Variants in MTR observed in about 807,000 individuals in gnomAD.
MTR encodes the protein methionine synthase.
A neutral mutation model predicts 154.8 loss-of-function variants in MTR; 84 were observed. The observed-to-expected ratio is 0.54, with a 90% CI of 0.45 to 0.65. The LOEUF (loss-of-function observed/expected upper bound fraction) is 0.65. MTR is among the 30% of genes least tolerant of loss of function. The pLI, the probability that MTR is intolerant of heterozygous loss-of-function variation, is 0.00. For synonymous variants in MTR, 554 were observed against 553.9 expected (o/e 1.00, Z 0.00); for missense variants, 1,275 against 1,570.2 (o/e 0.81, Z 3.18).
At chr1:236,847,339 T>G (rs1212602769) in intron 15 of MTR, among the ~76,000 whole-genome samples, 1 of 152,228 alleles carries the variant, frequency 6.6e-6, no homozygotes, top group Non-Finnish European at 1.5e-5. Flanking sequence ...TCAGACTACA[T>G]TAAAGAATCT....
chr1:236,831,350 A>G (rs1031257740), intron 12 of MTR, among the ~76,000 whole-genome samples: 6 of 152,176 alleles, frequency 3.9e-5, no homozygotes, highest in Admixed American at 2.6e-4. Context: ...ATGTTGGTGG[A>G]TAAGGAAACA....
intron 27 of MTR, among the ~76,000 whole-genome samples, chr1:236,887,382 C>T (rs10158222): frequency 0.29 from 44,082 of 152,018 alleles, 7,519 homozygotes; most frequent in African/African-American, 0.47. Flanking sequence ...CTTGCTTCCA[C>T]GTTTGACAGT....
rs1160232951 is a variant in MTR, at chr1:236,903,275, T to C, written c.*5631T>C. On this transcript the variant is annotated 3_prime_UTR_variant, in exon 33 of 33. Transcript: ENST00000366577. The stretch of plus-strand genomic sequence containing the variant: ...CTGCACTGTTTCAAATTTTTACAAG[T>C]GTATGTTATTGTACTTTTAAAAAGA... 6.6e-6 allele frequency: 1 copy of C among 152,204 alleles called. No individual in the cohort carries two copies. The highest frequency in any genetic ancestry group is 1.5e-5 in the Non-Finnish European group (1 of 68,040). 9.4% of individuals were successfully genotyped at this position (152,204 alleles called of 1,614,324 possible).
intron 27 of MTR, among the ~76,000 whole-genome samples, chr1:236,887,537 T>C (rs1188290640): frequency 1.3e-5 from 2 of 152,236 alleles, no homozygotes; most frequent in Admixed American, 1.3e-4. Context: ...ATTGGAATAA[T>C]AACACAAGGG....
At chr1:236,802,198 T>C (rs1375985539) in intron 1 of MTR, among the ~76,000 whole-genome samples, 1 of 152,148 alleles carries the variant, frequency 6.6e-6, no homozygotes, top group Non-Finnish European at 1.5e-5. Flanking sequence ...GTTAGTCTTC[T>C]GGGAAGGGTG....
chr1:236,815,936 G>T lies in MTR; in HGVS notation c.669+273G>T, dbSNP rs1414157051. ...GGTCCTTGAAGCCAAAGGCTTCAAG[G>T]CTCAGTCTCATTAGGGCCCAAGGAG... On this transcript the variant is annotated intron_variant, in intron 7 of 32. Transcript: ENST00000366577. 4.6e-5 allele frequency among the ~76,000 whole-genome samples: 7 copies of T among 152,160 alleles called. No homozygotes were observed. The East Asian group carries it at 1.2e-3, about 25-fold the overall frequency.
At chr1:236,811,615 T>TA (rs1275675269) in intron 5 of MTR, 1 of 456,226 alleles carries the variant, frequency 2.2e-6, no homozygotes, top group Non-Finnish European at 4.4e-6. Context: ...ATACCAGGCT[T>TA]ATGTGTTGTT....
Position 236,826,897 on chromosome 1 carries a change from G to A in MTR, c.995+1G>A. 1 of 1,612,822 alleles carries A rather than the reference G, an allele frequency of 6.2e-7. No individual in the cohort carries two copies. The highest frequency in any genetic ancestry group is 1.1e-5 in the South Asian group (1 of 91,050). The stretch of plus-strand genomic sequence containing the variant: ...GTGGGTCAACACCAGATCATATCAG[G>A]TAATAATCACCTATAGACAATATAT... On this transcript the variant is annotated splice_donor_variant, in intron 11 of 32. Transcript: ENST00000366577. LOFTEE classifies it high-confidence loss of function.
At chr1:236,856,654 A>G (rs911415323) in intron 18 of MTR, among the ~76,000 whole-genome samples, 1 of 151,730 alleles carries the variant, frequency 6.6e-6, no homozygotes, top group African/African-American at 2.4e-5. Flanking sequence ...TATATTAGGT[A>G]TTTCTCCTAA....
chr1:236,850,504 A>G lies in MTR; in HGVS notation c.1676A>G (p.His559Arg). The G allele has an allele frequency of 2.5e-6, 4 of 1,613,744 alleles. No homozygotes were observed. Among genetic ancestry groups the G allele is most frequent in the South Asian group, 1.1e-5 (1 of 91,074 alleles). ...AACTTGTATGCCATTAATTTTATCC[A>G]TGCAACAAAAGTCATTAAAGTAAGT... ...EHNLYAINFI[H>R]ATKVIKETLP... Residue 559 changes from histidine to arginine, a missense_variant, in exon 16 of 33, where the codon CAT becomes CGT. His to Arg is a conservative substitution (Grantham distance 29). Transcript: ENST00000366577.
chr1:236,820,448 C>G, intron 8 of MTR: 2 of 1,396,962 alleles, frequency 1.4e-6, no homozygotes, highest in South Asian at 2.3e-5. Flanking sequence ...CTCAGCCTGC[C>G]ACGGAAGACT....
At chr1:236,810,238 C>A (rs561074554) in intron 4 of MTR, among the ~76,000 whole-genome samples, 6 of 152,160 alleles carry the variant, frequency 3.9e-5, no homozygotes, top group East Asian at 3.9e-4. Flanking sequence ...CTGGGGCAGC[C>A]CCATGATCAA....
At chr1:236,874,410 A>G (rs1665313519) in intron 23 of MTR, among the ~76,000 whole-genome samples, 2 of 152,028 alleles carry the variant, frequency 1.3e-5, no homozygotes, top group South Asian at 4.1e-4. Flanking sequence ...CCCTGTCTCT[A>G]CTAAAAATAC....
intron 20 of MTR, 59 bp downstream of exon 20, chr1:236,861,336 AT>A: frequency 1.9e-6 from 3 of 1,611,236 alleles, no homozygotes; most frequent in Non-Finnish European, 2.5e-6. Context: ...CATTTAATAA[AT>A]GGCGATTTGG....
intron 22 of MTR, among the ~76,000 whole-genome samples, chr1:236,868,846 G>C (rs770406536): frequency 5.9e-5 from 9 of 152,224 alleles, no homozygotes; most frequent in Non-Finnish European, 1.0e-4. Context: ...TTGTACCTAA[G>C]TCAAAGATAC....
intron 29 of MTR, among the ~76,000 whole-genome samples, chr1:236,892,813 C>G (rs763741758): frequency 6.6e-6 from 1 of 152,214 alleles, no homozygotes; most frequent in African/African-American, 2.4e-5. Flanking sequence ...CCCAGTCTTT[C>G]ATCTTTCAAG....
intron 28 of MTR, among the ~76,000 whole-genome samples, chr1:236,890,661 A>C (rs955195218): frequency 2.0e-5 from 3 of 152,230 alleles, no homozygotes; most frequent in African/African-American, 7.2e-5. Flanking sequence ...GAATCCCTTC[A>C]GAGGTTGTTA....
In MTR at chr1:236,897,081, C is replaced by G. The variant is rs1318631598; in HGVS notation, c.3674C>G (p.Ser1225Cys). The G allele has an allele frequency of 2.5e-6, 4 of 1,614,020 alleles. No homozygotes were observed. The highest frequency in any genetic ancestry group is 3.4e-6 in the Non-Finnish European group (4 of 1,179,924). ...GGCCTCTACTTCTCCAATTTGAAGT[C>G]CAAATATTTTGCTGTGGGGAAGATT... ...VSGLYFSNLK[S>C]KYFAVGKISK... Residue 1225 changes from serine (S) to cysteine (C), a missense_variant, in exon 32 of 33, where the codon TCC (serine) becomes TGC (cysteine). Coordinates refer to ENST00000366577, the MANE Select transcript of MTR (RefSeq NM_000254.3).
At chr1:236,850,670 C>G (rs1663844722) in intron 16 of MTR, 147 bp downstream of exon 16, 4 of 792,874 alleles carry the variant, frequency 5.0e-6, no homozygotes, top group South Asian at 1.7e-5. Context: ...TGTAGGAGAC[C>G]TTATTTTTTT....
Sources: gnomAD v4.1 joint callset for allele counts (sites outside exome capture counted in the v4.1 genomes callset) on GRCh38, gnomAD v4.1.1 for gene constraint, MANE v1.5 for transcripts, NCBI Gene and HGNC (gene_info 2026-07-23, HGNC 2026-07-21) for gene names.